The following HEPH variants were observed in gnomAD, a reference collection of about 807,000 sequenced individuals.
HEPH encodes hephaestin.
In HEPH, 69 loss-of-function variants were observed where a neutral mutation model predicts 80.8. The observed-to-expected ratio is 0.85, with a 90% CI of 0.70 to 1.04. HEPH has a LOEUF of 1.04. HEPH is among the 50% of genes least tolerant of loss of function. The probability of loss-of-function intolerance (pLI) is 0.00; values close to 1 mark genes in which losing one functional copy is unlikely to be tolerated. For missense variants in HEPH, 1,115 were observed against 891.3 expected, an observed-to-expected ratio of 1.25 and a Z score of -3.20; for synonymous variants, 431 against 322.8, an observed-to-expected ratio of 1.34 and a Z score of -3.60.
chrX:66,222,880 G>A (rs759774951), intron 15 of HEPH, among the ~76,000 whole-genome samples: 14 of 111,990 alleles, frequency 1.3e-4, no homozygotes, highest in Middle Eastern at 4.7e-3. Flanking sequence ...ATAACCAGAC[G>A]GTCAGCAATA....
intron 15 of HEPH, among the ~76,000 whole-genome samples, chrX:66,226,428 AGAAAG>A (rs747781871): frequency 8.9e-6 from 1 of 112,462 alleles, no homozygotes; most frequent in South Asian, 3.7e-4. Context: ...ACTCAGCAGA[AGAAAG>A]GAAATAACCA....
At chrX:66,200,203 G>A (rs1333987491) in intron 11 of HEPH, among the ~76,000 whole-genome samples, 7 of 105,304 alleles carry the variant, frequency 6.6e-5, no homozygotes, top group African/African-American at 1.8e-4. Flanking sequence ...CAGAAACCAA[G>A]GAAGGAGAGT....
chrX:66,263,138 C>T (rs1187133044), intron 19 of HEPH, among the ~76,000 whole-genome samples: 2 of 111,132 alleles, frequency 1.8e-5, no homozygotes, highest in African/African-American at 6.5e-5. Context: ...ATAATATGAG[C>T]CTCAAAAGAG....
At position 66,172,565 on chromosome X, in the gene HEPH, C is replaced by A; in HGVS notation, c.378C>A (p.His126Gln). Residue 126 changes from histidine (H) to glutamine (Q), a missense_variant, in exon 3 of 21, where the codon CAC (histidine) becomes CAA (glutamine). By Grantham distance (24) the His-to-Gln change is conservative. Around this residue, in one of 3 missense-constraint regions of HEPH, gnomAD observed 391 missense variants for 343.6 expected, o/e 1.14. Coordinates refer to ENST00000343002, the MANE Select transcript of HEPH (RefSeq NM_001367233.3). ...TTGCCACTCGTCCCTATACCATCCA[C>A]CCTCATGGTGTCTTCTACGAGAAGG... ...KNFATRPYTI[H>Q]PHGVFYEKDS... 8.4e-7 allele frequency: 1 copy of A among 1,192,297 alleles called. No homozygotes were observed. The highest frequency in any genetic ancestry group is 1.9e-5 in the South Asian group (1 of 52,410).
intron 15 of HEPH, among the ~76,000 whole-genome samples, chrX:66,251,519 A>T (rs2091005265): frequency 9.1e-6 from 1 of 110,157 alleles, no homozygotes; most frequent in Non-Finnish European, 1.9e-5. Context: ...TGTCCGTTCA[A>T]TTTTTTTTTG....
chrX:66,226,174 C>T (rs187071688), intron 15 of HEPH, among the ~76,000 whole-genome samples: 2 of 111,989 alleles, frequency 1.8e-5, no homozygotes, highest in African/African-American at 6.5e-5. Flanking sequence ...TCTTTAACTA[C>T]CAGGCCCAGG....
At chrX:66,193,447 G>C in intron 7 of HEPH, 55 bp from the exon 8 acceptor site, 4 of 830,995 alleles carry the variant, frequency 4.8e-6, no homozygotes, top group Non-Finnish European at 6.8e-6. Context: ...GGGTGAGATG[G>C]GAGTCTATTT....
intron 15 of HEPH, among the ~76,000 whole-genome samples, chrX:66,236,456 G>A (rs1390998388): frequency 9.0e-6 from 1 of 111,676 alleles, no homozygotes; most frequent in East Asian, 2.8e-4. Flanking sequence ...GCATCCCAGG[G>A]ATAAAGCCAA....
At chrX:66,206,770 C>A (rs891980745) in intron 13 of HEPH, among the ~76,000 whole-genome samples, 7 of 109,774 alleles carry the variant, frequency 6.4e-5, no homozygotes, top group African/African-American at 2.3e-4. Flanking sequence ...AATCCCAGCA[C>A]TTTGGGAGGC....
Position 66,230,238 on chromosome X carries a change from G to A in HEPH, c.2563+21992G>A, listed in dbSNP as rs1390552837. 7.3e-3 allele frequency among the ~76,000 whole-genome samples: 667 copies of A among 91,336 alleles called. 2 individuals carry two copies. Among genetic ancestry groups the A allele is most frequent in the Non-Finnish European group, 0.011 (510 of 47,395 alleles). 79.3% of individuals were successfully genotyped at this position (91,336 alleles called of 115,157 possible). On this transcript the variant is annotated intron_variant, in intron 15 of 20. Coordinates refer to ENST00000343002, the MANE Select transcript of HEPH (RefSeq NM_001367233.3). The stretch of plus-strand genomic sequence containing the variant: ...GTGAATAATGCCGCAATAAACATAC[G>A]TGTGCATGTGTCTTTATAGCAGCAT...
rs2088909286 is a variant in HEPH, at chrX:66,208,359, C to T, written c.2563+113C>T. ...TTCAGACTGGAGTGATAGCTCATTCCTGTAATCCCAGCAGTTTGAGAGGCT... is the reference window on the plus strand; with the variant it reads ...TTCAGACTGGAGTGATAGCTCATTCTTGTAATCCCAGCAGTTTGAGAGGCT... On this transcript the variant is annotated intron_variant, in intron 15 of 20. Coordinates refer to ENST00000343002, the MANE Select transcript of HEPH (RefSeq NM_001367233.3). 4 of 763,383 alleles carry T rather than the reference C, an allele frequency of 5.2e-6. No individual in the cohort carries two copies. In the South Asian group the frequency reaches 9.6e-5, roughly 18 times the overall value. 62.9% of individuals were successfully genotyped at this position (763,383 alleles called of 1,213,427 possible).
chrX:66,258,135 T>C (rs2091241817), intron 17 of HEPH, among the ~76,000 whole-genome samples: 1 of 112,100 alleles, frequency 8.9e-6, no homozygotes, highest in Admixed American at 9.5e-5. Context: ...AGTGTATACA[T>C]ACATTCTTTC....
At chrX:66,205,496 C>T (rs2088714696) in intron 13 of HEPH, among the ~76,000 whole-genome samples, 1 of 112,004 alleles carries the variant, frequency 8.9e-6, no homozygotes, top group African/African-American at 3.2e-5. Flanking sequence ...CAGTCCACCA[C>T]TGATGGGCAC....
intron 15 of HEPH, among the ~76,000 whole-genome samples, chrX:66,221,131 G>A (rs2089628588): frequency 9.0e-6 from 1 of 111,341 alleles, no homozygotes; most frequent in Admixed American, 9.5e-5. Flanking sequence ...CAGCTTCCGG[G>A]TGTGACTGGA....
Position 66,266,909 on chromosome X carries a change from T to C in HEPH, c.*237T>C. 1 of 352,890 alleles carries C rather than the reference T, an allele frequency of 2.8e-6. No homozygotes were observed. Among genetic ancestry groups the C allele is most frequent in the South Asian group, 7.5e-5 (1 of 13,257 alleles). 29.1% of individuals were successfully genotyped at this position (352,890 alleles called of 1,213,427 possible). ...ACCTGGCACTAAGGGAGTACCTTAT[T>C]ATCCTACATCGCAAATTTCAACAGC... On this transcript the variant is annotated 3_prime_UTR_variant, in exon 21 of 21. Coordinates refer to ENST00000343002, the MANE Select transcript of HEPH (RefSeq NM_001367233.3).
chrX:66,231,876 C>G (rs2090160125), intron 15 of HEPH, among the ~76,000 whole-genome samples: 2 of 109,161 alleles, frequency 1.8e-5, no homozygotes, highest in Admixed American at 1.9e-4. Flanking sequence ...GGGAATGCTT[C>G]CAGTTTTTTC....
At chrX:66,197,951 G>A in intron 10 of HEPH, 57 bp downstream of exon 10, 1 of 1,025,147 alleles carries the variant, frequency 9.8e-7, no homozygotes, top group Non-Finnish European at 1.3e-6. Context: ...AAGCTGGGTT[G>A]CTGGATAGGA....
chrX:66,200,589 G>A lies in HEPH; in HGVS notation c.1914G>A (p.Lys638=). The change falls in exon 12 of 21, where the codon AAG becomes AAA. Residue 638 remains lysine, a synonymous_variant. Transcript: ENST00000343002. Reference sequence around the variant, plus strand: ...ACCTGCCCAGGCTGGACATGTGCAAGGGTGACACAGTGGCCTGGCACCTGC... The same window carrying A: ...ACCTGCCCAGGCTGGACATGTGCAAAGGTGACACAGTGGCCTGGCACCTGC... The part of the protein sequence containing the change: ...FSNLPRLDMC[K]GDTVAWHLLG... 1 of 1,209,511 alleles carries A rather than the reference G, an allele frequency of 8.3e-7. No homozygotes were observed. Among genetic ancestry groups the A allele is most frequent in the Non-Finnish European group, 1.1e-6 (1 of 894,343 alleles).
intron 15 of HEPH, among the ~76,000 whole-genome samples, chrX:66,219,694 C>G (rs2089554505): frequency 8.9e-6 from 1 of 111,845 alleles, no homozygotes. Flanking sequence ...AGCTATGCTT[C>G]TCTTTTTGTG....
Sources: allele counts gnomAD v4.1 joint callset (sites outside exome capture counted in the v4.1 genomes callset), GRCh38; gene constraint gnomAD v4.1.1; regional missense constraint gnomAD v4.1.1; transcripts MANE v1.5; gene names NCBI Gene and HGNC (gene_info 2026-07-23, HGNC 2026-07-21).